The following P2RY4 variants were observed in gnomAD, a reference collection of about 807,000 sequenced individuals.
P2RY4 encodes pyrimidinergic receptor P2Y4.
For missense variants in P2RY4, 291 were observed against 308.5 expected (o/e 0.94, Z 0.42); for synonymous variants, 121 against 131.6 (o/e 0.92, Z 0.55).
chrX:70,259,332 T>C lies in P2RY4; in HGVS notation c.293A>G (p.His98Arg), dbSNP rs771157454. 6 of 1,210,770 alleles carry C rather than the reference T, an allele frequency of 5.0e-6. No individual in the cohort carries two copies. The highest frequency in any genetic ancestry group is 6.7e-6 in the Non-Finnish European group (6 of 895,242). The change falls in exon 1 of 1, where the codon CAC becomes CGC. Residue 98 changes from histidine (H) to arginine (R), a missense_variant. By Grantham distance (29) the His-to-Arg change is conservative (BLOSUM62 0). Transcript: ENST00000374519. Reference sequence around the variant, plus strand: ...CTCAGTGCCAAAGGGCCAGTGGTTGTGGGCTGCATAATAGTAGATGAGGGT... The same window carrying C: ...CTCAGTGCCAAAGGGCCAGTGGTTGCGGGCTGCATAATAGTAGATGAGGGT... The part of the protein sequence containing the change: ...LPTLIYYYAA[H>R]NHWPFGTEIC...
chrX:70,259,162 G>A lies in P2RY4; in HGVS notation c.463C>T (p.Leu155Phe). 1 of 1,212,299 alleles carries A rather than the reference G, an allele frequency of 8.2e-7. No homozygotes were observed. The highest frequency in any genetic ancestry group is 1.1e-6 in the Non-Finnish European group (1 of 895,670). Residue 155 changes from leucine to phenylalanine, a missense_variant, in exon 1 of 1, where the codon CTC becomes TTC. Coordinates refer to ENST00000374519, the MANE Select transcript of P2RY4 (RefSeq NM_002565.4). Reference sequence around the variant, plus strand: ...ACGACCAACCAAACTGCCAGGCAGAGAAGGCCTGCGAGGCGAGGGCGGCCC... The same window carrying A: ...ACGACCAACCAAACTGCCAGGCAGAAAAGGCCTGCGAGGCGAGGGCGGCCC... The part of the protein sequence containing the change: ...RWGRPRLAGL[L>F]CLAVWLVVAG...
rs753718610 is a variant in P2RY4, at chrX:70,259,416, G to A, written c.209C>T (p.Thr70Met). The change falls in exon 1 of 1, where the codon ACG becomes ATG. Residue 70 changes from threonine (T) to methionine (M), a missense_variant. Physicochemically the swap from Thr to Met is moderately conservative, Grantham distance 81 (BLOSUM62 -1). Coordinates refer to ENST00000374519, the MANE Select transcript of P2RY4 (RefSeq NM_002565.4). ...TGCCAGGTGGAACATGTAGGTGGCCGTTGCATCCCAGGGTCGGAGGCGGAA... is the reference window on the plus strand; with the variant it reads ...TGCCAGGTGGAACATGTAGGTGGCCATTGCATCCCAGGGTCGGAGGCGGAA... The part of the protein sequence containing the change: ...FIFRLRPWDA[T>M]ATYMFHLALS... 7.4e-6 allele frequency: 9 copies of A among 1,211,696 alleles called. No homozygotes were observed. The highest frequency in any genetic ancestry group is 1.8e-5 in the South Asian group (1 of 56,871).
Position 70,259,429 on chromosome X carries a change from G to A in P2RY4, c.196C>T (p.Pro66Ser), listed in dbSNP as rs754843343. The A allele has an allele frequency of 9.1e-6, 11 of 1,211,469 alleles. No individual in the cohort carries two copies. In the South Asian group the frequency reaches 1.4e-4, roughly 16 times the overall value. Residue 66 changes from proline to serine, a missense_variant, in exon 1 of 1, where the codon CCC becomes TCC. Coordinates refer to ENST00000374519, the MANE Select transcript of P2RY4 (RefSeq NM_002565.4). ...ATGTAGGTGGCCGTTGCATCCCAGG[G>A]TCGGAGGCGGAAGATGAAGAGCCAT... ...TLWLFIFRLRPWDATATYMFH... is the reference protein window; with the variant it reads ...TLWLFIFRLRSWDATATYMFH...
At position 70,259,523 on chromosome X, in the gene P2RY4, C is replaced by G. The variant is rs371902337; in HGVS notation, c.102G>C (p.Lys34Asn). 7 of 1,210,230 alleles carry G rather than the reference C, an allele frequency of 5.8e-6. No individual in the cohort carries two copies. The highest frequency in any genetic ancestry group is 7.8e-6 in the Non-Finnish European group (7 of 894,614). The change falls in exon 1 of 1, where the codon AAG (lysine) becomes AAC (asparagine). Residue 34 changes from lysine (K) to asparagine (N), a missense_variant. By Grantham distance (94) the Lys-to-Asn change is moderately conservative. Coordinates refer to ENST00000374519, the MANE Select transcript of P2RY4 (RefSeq NM_002565.4). ...ELDCWFDEDFKFILLPVSYAV... is the reference protein window; with the variant it reads ...ELDCWFDEDFNFILLPVSYAV... ...CATAGCTCACAGGCAGCAGGATGAA[C>G]TTGAAATCCTCATCAAACCAACAGT... is the stretch of plus-strand genomic sequence containing the variant.
Position 70,258,383 on chromosome X carries a change from C to T in P2RY4, c.*144G>A, listed in dbSNP as rs1405510155. Reference sequence around the variant, plus strand: ...GAGAGATGAGGTCACCCATGATATCCCTGCCTCCCTGCAACCCTCAGGGTG... The same window carrying T: ...GAGAGATGAGGTCACCCATGATATCTCTGCCTCCCTGCAACCCTCAGGGTG... On this transcript the variant is annotated 3_prime_UTR_variant, in exon 1 of 1. Coordinates refer to ENST00000374519, the MANE Select transcript of P2RY4 (RefSeq NM_002565.4). 4.6e-6 allele frequency: 3 copies of T among 649,217 alleles called. No individual in the cohort carries two copies. Among genetic ancestry groups the T allele is most frequent in the African/African-American group, 2.2e-5 (1 of 45,373 alleles). 53.5% of individuals were successfully genotyped at this position (649,217 alleles called of 1,213,427 possible).
rs148362984 is a variant in P2RY4 at position 70,259,322 on chromosome X, C to T, written c.303G>A (p.Trp101Ter). 1,408 of 1,210,790 alleles carry T rather than the reference C, an allele frequency of 1.2e-3. No individual in the cohort carries two copies. The highest frequency in any genetic ancestry group is 2.0e-3 in the South Asian group (114 of 56,834). The part of the protein sequence containing the change: ...LIYYYAAHNH[W>*]PFGTEICKFV... The stretch of plus-strand genomic sequence containing the variant: ...ACTTGCAGATCTCAGTGCCAAAGGG[C>T]CAGTGGTTGTGGGCTGCATAATAGT... Residue 101 changes from tryptophan (W) to a stop codon, truncating the protein, a stop_gained, in exon 1 of 1, where the codon TGG (tryptophan) becomes TGA (stop). Coordinates refer to ENST00000374519, the MANE Select transcript of P2RY4 (RefSeq NM_002565.4). LOFTEE classifies it low-confidence loss of function (END_TRUNC).
At position 70,258,738 on chromosome X, in the gene P2RY4, C is replaced by G; in HGVS notation, c.887G>C (p.Ser296Thr). The G allele has an allele frequency of 1.7e-6, 2 of 1,212,052 alleles. No homozygotes were observed. Among genetic ancestry groups the G allele is most frequent in the Non-Finnish European group, 2.2e-6 (2 of 895,419 alleles). Residue 296 changes from serine to threonine, a missense_variant, in exon 1 of 1, where the codon AGT becomes ACT. Ser to Thr is a moderately conservative substitution (Grantham distance 58). Coordinates refer to ENST00000374519, the MANE Select transcript of P2RY4 (RefSeq NM_002565.4). ...CACAGGATCCAGGCAGCTGTTGGCA[C>G]TGGCCAGGGGCCGAGTCACTTTATA... Reference protein sequence around the residue: ...VVYKVTRPLASANSCLDPVLY... With the variant: ...VVYKVTRPLATANSCLDPVLY...
In P2RY4 at chrX:70,258,943, A is replaced by G. The variant is rs765418535; in HGVS notation, c.682T>C (p.Tyr228His). The change falls in exon 1 of 1, where the codon TAT becomes CAT. Residue 228 changes from tyrosine (Y) to histidine (H), a missense_variant. By Grantham distance (83) the Tyr-to-His change is moderately conservative (BLOSUM62 2). Transcript: ENST00000374519. Reference sequence around the variant, plus strand: ...TGTGCAGAGCCTGGCAAGGGCTGATACAGGCGACGAGCCATGAGTCCATAG... The same window carrying G: ...TGTGCAGAGCCTGGCAAGGGCTGATGCAGGCGACGAGCCATGAGTCCATAG... ...VCYGLMARRL[Y>H]QPLPGSAQSS... 8.3e-7 allele frequency: 1 copy of G among 1,209,780 alleles called. No homozygotes were observed. Among genetic ancestry groups the G allele is most frequent in the Non-Finnish European group, 1.1e-6 (1 of 894,375 alleles).
In P2RY4 at chrX:70,259,878, C is replaced by T. The variant is rs1036224801; in HGVS notation, c.-254G>A. The T allele has an allele frequency of 5.0e-6, 2 of 400,305 alleles. No individual in the cohort carries two copies. Among genetic ancestry groups the T allele is most frequent in the Non-Finnish European group, 8.9e-6 (2 of 225,385 alleles). The allele number at this position is 400,305 out of a possible 1,213,427, so 33.0% of individuals were successfully genotyped here. ...AGGCAGCCCGTGTATTTGGGTTGTACTCACTCTGCAGCTCACTCTGTCCCT... is the reference window on the plus strand; with the variant it reads ...AGGCAGCCCGTGTATTTGGGTTGTATTCACTCTGCAGCTCACTCTGTCCCT... On this transcript the variant is annotated 5_prime_UTR_variant, in exon 1 of 1. Transcript: ENST00000374519.
In P2RY4 at chrX:70,258,339, C is replaced by T. The variant is rs182331958; in HGVS notation, c.*188G>A. ...AAGATTGGCATTGGCTAAAAAGAGT[C>T]GGCAACTGAAGGGGTTATGAGAGAT... is the stretch of plus-strand genomic sequence containing the variant. On this transcript the variant is annotated 3_prime_UTR_variant, in exon 1 of 1. Transcript: ENST00000374519. The T allele has an allele frequency of 2.0e-5, 8 of 405,561 alleles. No individual in the cohort carries two copies. The highest frequency in any genetic ancestry group is 6.7e-5 in the South Asian group (1 of 14,896). The allele number at this position is 405,561 out of a possible 1,213,427, so 33.4% of individuals were successfully genotyped here.
At position 70,259,892 on chromosome X, in the gene P2RY4, CACT is replaced by C; in HGVS notation, c.-271_-269del. ...TTTGGGTTGTACTCACTCTGCAGCTCACTCTGTCCCTAAGAGCCTGGCTGGCTG... is the reference window on the plus strand; with the variant it reads ...TTTGGGTTGTACTCACTCTGCAGCTCCTGTCCCTAAGAGCCTGGCTGGCTG... On this transcript the variant is annotated 5_prime_UTR_variant, in exon 1 of 1. The change abolishes the stop of an existing upstream ORF in the 5' untranslated region. Transcript: ENST00000374519. 1 of 375,208 alleles carries C rather than the reference CACT, an allele frequency of 2.7e-6. No individual in the cohort carries two copies. Among genetic ancestry groups the C allele is most frequent in the Non-Finnish European group, 4.7e-6 (1 of 211,028 alleles). 30.9% of individuals were successfully genotyped at this position (375,208 alleles called of 1,213,427 possible). A position where few individuals can be genotyped will look rare whatever the true frequency, so the allele number is the denominator to read the frequency against.
Position 70,258,668 on chromosome X carries a change from C to T in P2RY4, c.957G>A (p.Gln319=), listed in dbSNP as rs1366001232. Reference sequence around the variant, plus strand: ...GCTGGGGCTTGCCACCACCACAGAGCTGACGGAGCTGACGTCGATATTTGT... The same window carrying T: ...GCTGGGGCTTGCCACCACCACAGAGTTGACGGAGCTGACGTCGATATTTGT... ...TGDKYRRQLR[Q]LCGGGKPQPR... The change falls in exon 1 of 1, where the codon CAG becomes CAA. Residue 319 remains glutamine, a synonymous_variant. Coordinates refer to ENST00000374519, the MANE Select transcript of P2RY4 (RefSeq NM_002565.4). 8.3e-7 allele frequency: 1 copy of T among 1,211,594 alleles called. No homozygotes were observed. The highest frequency in any genetic ancestry group is 1.7e-5 in the African/African-American group (1 of 57,834).
Position 70,259,805 on chromosome X carries a change from G to A in P2RY4, c.-181C>T. 2.1e-6 allele frequency: 1 copy of A among 468,678 alleles called. No homozygotes were observed. Among genetic ancestry groups the A allele is most frequent in the Non-Finnish European group, 3.7e-6 (1 of 272,481 alleles). 38.6% of individuals were successfully genotyped at this position (468,678 alleles called of 1,213,427 possible). On this transcript the variant is annotated 5_prime_UTR_variant, in exon 1 of 1. Transcript: ENST00000374519. ...GCCTGGCCCCTACCCAAGCTCCCTT[G>A]GTCCAGCTTGGGAAGTGGTGGGCAG...
At position 70,259,356 on chromosome X, in the gene P2RY4, G is replaced by A; in HGVS notation, c.269C>T (p.Thr90Ile). 1 of 1,212,040 alleles carries A rather than the reference G, an allele frequency of 8.3e-7. No individual in the cohort carries two copies. The highest frequency in any genetic ancestry group is 1.8e-5 in the South Asian group (1 of 56,963). The change falls in exon 1 of 1, where the codon ACC (threonine) becomes ATC (isoleucine). Residue 90 changes from threonine to isoleucine, a missense_variant. Transcript: ENST00000374519. ...SDTLYVLSLP[T>I]LIYYYAAHNH... is the part of the protein sequence containing the mutation. ...GTGGGCTGCATAATAGTAGATGAGG[G>A]TGGGCAGCGACAGCACATACAAGGT...
rs146193354 is a variant in P2RY4, at chrX:70,259,524, T to C, written c.101A>G (p.Lys34Arg). 1.5e-4 allele frequency: 178 copies of C among 1,209,024 alleles called. No homozygotes were observed. In the African/African-American group the frequency reaches 2.7e-3, roughly 18 times the overall value. ...ELDCWFDEDF[K>R]FILLPVSYAV... ...ATAGCTCACAGGCAGCAGGATGAAC[T>C]TGAAATCCTCATCAAACCAACAGTC... Residue 34 changes from lysine to arginine, a missense_variant, in exon 1 of 1, where the codon AAG (lysine) becomes AGG (arginine). Physicochemically the swap from Lys to Arg is conservative, Grantham distance 26 (BLOSUM62 2). Coordinates refer to ENST00000374519, the MANE Select transcript of P2RY4 (RefSeq NM_002565.4).
Position 70,259,294 on chromosome X carries a change from C to T in P2RY4, c.331G>A (p.Val111Ile), listed in dbSNP as rs1159824939. 5.0e-6 allele frequency: 6 copies of T among 1,210,945 alleles called. No individual in the cohort carries two copies. Among genetic ancestry groups the T allele is most frequent in the Non-Finnish European group, 5.6e-6 (5 of 895,299 alleles). Residue 111 changes from valine to isoleucine, a missense_variant, in exon 1 of 1, where the codon GTC (valine) becomes ATC (isoleucine). Physicochemically the swap from Val to Ile is conservative, Grantham distance 29. Coordinates refer to ENST00000374519, the MANE Select transcript of P2RY4 (RefSeq NM_002565.4). ...AGGTTCCAATAGAAAAGAAAGCGGA[C>T]GAACTTGCAGATCTCAGTGCCAAAG... Reference protein sequence around the residue: ...WPFGTEICKFVRFLFYWNLYC... With the variant: ...WPFGTEICKFIRFLFYWNLYC...
chrX:70,259,218 C>T lies in P2RY4; in HGVS notation c.407G>A (p.Gly136Asp), dbSNP rs1289460286. The T allele has an allele frequency of 8.2e-7, 1 of 1,212,148 alleles. No individual in the cohort carries two copies. Among genetic ancestry groups the T allele is most frequent in the East Asian group, 3.0e-5 (1 of 33,850 alleles). The change falls in exon 1 of 1, where the codon GGC becomes GAC. Residue 136 changes from glycine to aspartate, a missense_variant. By Grantham distance (94) the Gly-to-Asp change is moderately conservative. Coordinates refer to ENST00000374519, the MANE Select transcript of P2RY4 (RefSeq NM_002565.4). The part of the protein sequence containing the change: ...LTCISVHRYL[G>D]ICHPLRALRW... ...TAGTGCCCGAAGTGGGTGGCAGATG[C>T]CCAGGTAGCGGTGCACGCTGATGCA...
rs150471339 is a variant in P2RY4 at position 70,259,396 on chromosome X, G to C, written c.229C>G (p.Leu77Val). Residue 77 changes from leucine to valine, a missense_variant, in exon 1 of 1, where the codon CTG (leucine) becomes GTG (valine). Transcript: ENST00000374519. Reference protein sequence around the residue: ...WDATATYMFHLALSDTLYVLS... With the variant: ...WDATATYMFHVALSDTLYVLS... The stretch of plus-strand genomic sequence containing the variant: ...ACATACAAGGTGTCTGACAATGCCA[G>C]GTGGAACATGTAGGTGGCCGTTGCA... 8.3e-7 allele frequency: 1 copy of C among 1,210,977 alleles called. No individual in the cohort carries two copies. The highest frequency in any genetic ancestry group is 1.7e-5 in the African/African-American group (1 of 57,576).
Position 70,259,631 on chromosome X carries a change from C to T in P2RY4, c.-7G>A. The T allele has an allele frequency of 2.6e-6, 3 of 1,172,212 alleles. No individual in the cohort carries two copies. The highest frequency in any genetic ancestry group is 3.4e-6 in the Non-Finnish European group (3 of 874,951). On this transcript the variant is annotated 5_prime_UTR_variant, in exon 1 of 1. Coordinates refer to ENST00000374519, the MANE Select transcript of P2RY4 (RefSeq NM_002565.4). The stretch of plus-strand genomic sequence containing the variant: ...AGGACTCTGTACTGGCCATGGCCCC[C>T]CTGGAGATGGGAAGGGGAGAAGTGA...
Sources: gnomAD v4.1 joint callset for allele counts on GRCh38, gnomAD v4.1.1 for gene constraint, MANE v1.5 for transcripts, NCBI Gene and HGNC (gene_info 2026-07-23, HGNC 2026-07-21) for gene names.